Variants in RALGAPA1 observed in about 807,000 individuals in gnomAD.
The protein encoded by RALGAPA1 is Ral GTPase activating protein catalytic subunit alpha 1, also known as ral GTPase-activating protein subunit alpha-1.
Under a neutral mutation model 269.6 loss-of-function variants are expected in RALGAPA1, and 52 were observed. The observed-to-expected ratio is 0.19, with a 90% CI of 0.15 to 0.24. The LOEUF is 0.24. Ranked by LOEUF, RALGAPA1 falls within the 10% of genes least tolerant of loss-of-function variation. The pLI, the probability that RALGAPA1 is intolerant of heterozygous loss-of-function variation, is 1.00. For synonymous variants in RALGAPA1, 817 were observed against 1,008.3 expected, an observed-to-expected ratio of 0.81 and a Z score of 3.60; for missense variants, 1,917 against 3,013.9, an observed-to-expected ratio of 0.64 and a Z score of 8.52.
At chr14:35,557,845 C>T (rs2055778188) in intron 39 of RALGAPA1, among the ~76,000 whole-genome samples, 1 of 152,156 alleles carries the variant, frequency 6.6e-6, no homozygotes, top group African/African-American at 2.4e-5. Context: ...AATATCTCTT[C>T]CTTATCCTAT....
chr14:35,806,931 TTTTTG>T (rs1368865285), intron 1 of RALGAPA1, among the ~76,000 whole-genome samples: 3 of 152,180 alleles, frequency 2.0e-5, no homozygotes, highest in East Asian at 1.9e-4. Context: ...AAAAGACTTG[TTTTTG>T]TTTTGTTTTG....
At chr14:35,750,047 A>G (rs1438681476) in intron 9 of RALGAPA1, among the ~76,000 whole-genome samples, 6 of 152,292 alleles carry the variant, frequency 3.9e-5, no homozygotes, top group Middle Eastern at 3.4e-3. Flanking sequence ...TTGTAATTTT[A>G]TATCACATTT....
At chr14:35,596,305 G>T (rs1348111695) in intron 36 of RALGAPA1, among the ~76,000 whole-genome samples, 1 of 151,892 alleles carries the variant, frequency 6.6e-6, no homozygotes, top group East Asian at 1.9e-4. Context: ...CCTGTAAAAA[G>T]ATTTTAAACA....
chr14:35,718,473 C>T (rs1220355726), intron 16 of RALGAPA1, among the ~76,000 whole-genome samples: 1 of 152,164 alleles, frequency 6.6e-6, no homozygotes, highest in Non-Finnish European at 1.5e-5. Flanking sequence ...AGACTTACTA[C>T]AATGTATACA....
chr14:35,760,098 T>G (rs963872129), intron 6 of RALGAPA1, among the ~76,000 whole-genome samples: 2 of 152,084 alleles, frequency 1.3e-5, no homozygotes, highest in Non-Finnish European at 2.9e-5. Context: ...ATGGACAAAA[T>G]AAAACACACT....
chr14:35,748,277 TAAAC>T (rs1315597198), intron 10 of RALGAPA1: 2 of 172,460 alleles, frequency 1.2e-5, no homozygotes, highest in African/African-American at 4.7e-5. Context: ...TTAAAATTCT[TAAAC>T]TAAGAATTAC....
chr14:35,574,665 T>C (rs1159803963), intron 37 of RALGAPA1, among the ~76,000 whole-genome samples: 1 of 152,154 alleles, frequency 6.6e-6, no homozygotes, highest in African/African-American at 2.4e-5. Flanking sequence ...AATTGAGAAA[T>C]TGCTAATCAT....
In RALGAPA1 at chr14:35,782,625, G is replaced by A. The variant is rs73235246; in HGVS notation, c.107-6880C>T. Among the ~76,000 whole-genome samples the A allele has an allele frequency of 9.1e-3, 1,377 of 151,720 alleles. 17 individuals are homozygous for A. Among genetic ancestry groups the A allele is most frequent in the African/African-American group, 0.032 (1,304 of 41,356 alleles). ...ATTTTTGTATTTTTAGTAGAGACGA[G>A]GTTGGCCAGGCTGGTCTTGAACTCC... On this transcript the variant is annotated intron_variant, in intron 1 of 41. Transcript: ENST00000680220.
chr14:35,540,035 A>C (rs2053823769), intron 41 of RALGAPA1, among the ~76,000 whole-genome samples: 1 of 152,126 alleles, frequency 6.6e-6, no homozygotes, highest in Non-Finnish European at 1.5e-5. Flanking sequence ...GAGAAGGACC[A>C]ATTCCTATCT....
At chr14:35,808,292 C>T (rs780767786) in intron 1 of RALGAPA1, among the ~76,000 whole-genome samples, 1 of 152,188 alleles carries the variant, frequency 6.6e-6, no homozygotes, top group African/African-American at 2.4e-5. Flanking sequence ...AGAGGTGTAA[C>T]TGCTACCTCC....
chr14:35,652,021 TG>T, intron 30 of RALGAPA1, 148 bp from the exon 31 acceptor site: 1 of 539,236 alleles, frequency 1.9e-6, no homozygotes, highest in East Asian at 3.3e-5. Context: ...TTCAAAGTAA[TG>T]TTTAATAGGT....
intron 41 of RALGAPA1, among the ~76,000 whole-genome samples, 189 bp downstream of exon 41, chr14:35,548,319 G>A (rs2054641263): frequency 6.6e-6 from 1 of 152,104 alleles, no homozygotes; most frequent in Admixed American, 6.6e-5. Flanking sequence ...CCATGTTAGT[G>A]TTTCATGCAG....
chr14:35,588,175 C>T (rs1033360626), intron 37 of RALGAPA1, among the ~76,000 whole-genome samples: 10 of 152,150 alleles, frequency 6.6e-5, no homozygotes, highest in Non-Finnish European at 1.2e-4. Flanking sequence ...ACGTTCCGCC[C>T]GCCTCAGCCT....
chr14:35,664,895 G>A, intron 26 of RALGAPA1, 128 bp from the exon 27 acceptor site: 1 of 742,486 alleles, frequency 1.3e-6, no homozygotes, highest in African/African-American at 1.8e-5. Flanking sequence ...AAAGGAAAGG[G>A]AAAACACAAA....
rs369692262 is a variant in RALGAPA1 at position 35,750,681 on chromosome 14, T to C, written c.812A>G (p.Gln271Arg). Residue 271 changes from glutamine to arginine, a missense_variant, in exon 9 of 42, where the codon CAG becomes CGG. Physicochemically the swap from Gln to Arg is conservative, Grantham distance 43. Coordinates refer to ENST00000680220, the MANE Select transcript of RALGAPA1 (RefSeq NM_001346249.2). ...SLYHPILDIPQMRPKPHYVVI... is the reference protein window; with the variant it reads ...SLYHPILDIPRMRPKPHYVVI... ...GACATAATGTGGCTTTGGTCTCATC[T>C]GCGGGATGTCTGTGCAAAATAAAAG... 8 of 1,602,164 alleles carry C rather than the reference T, an allele frequency of 5.0e-6. No homozygotes were observed. The African/African-American group carries it at 8.1e-5, about 16-fold the overall frequency.
chr14:35,571,537 T>C (rs1375357837), intron 38 of RALGAPA1, among the ~76,000 whole-genome samples: 1 of 152,060 alleles, frequency 6.6e-6, no homozygotes, highest in East Asian at 1.9e-4. Flanking sequence ...CAGCTGGGCA[T>C]GGCGGCAGGC....
At chr14:35,642,422 T>C (rs2062090808) in intron 31 of RALGAPA1, among the ~76,000 whole-genome samples, 1 of 152,066 alleles carries the variant, frequency 6.6e-6, no homozygotes, top group Non-Finnish European at 1.5e-5. Flanking sequence ...TGATTTAAAA[T>C]GGGCTGAAGA....
At chr14:35,606,242 T>C (rs1194535957) in intron 35 of RALGAPA1, among the ~76,000 whole-genome samples, 1 of 152,226 alleles carries the variant, frequency 6.6e-6, no homozygotes, top group African/African-American at 2.4e-5. Flanking sequence ...AATTCTGTTA[T>C]TGTGTGAACA....
At chr14:35,791,479 C>T (rs570058661) in intron 1 of RALGAPA1, among the ~76,000 whole-genome samples, 5 of 152,098 alleles carry the variant, frequency 3.3e-5, no homozygotes, top group African/African-American at 4.8e-5. Flanking sequence ...TGGTGGCAGG[C>T]GCCTGTAATC....
Sources: gnomAD v4.1 joint callset for allele counts (sites outside exome capture counted in the v4.1 genomes callset) on GRCh38, gnomAD v4.1.1 for gene constraint, MANE v1.5 for transcripts, NCBI Gene and HGNC (gene_info 2026-07-23, HGNC 2026-07-21) for gene names.